CPN2: variants seen among roughly 807,000 people sequenced by gnomAD.
The protein encoded by CPN2 is carboxypeptidase N subunit 2, also known as carboxypeptidase N 83 kDa chain.
For synonymous variants in CPN2, 336 were observed against 318.4 expected (o/e 1.06, Z -0.59); for missense variants, 620 against 671.4 (o/e 0.92, Z 0.85).
At position 194,341,644 on chromosome 3, in the gene CPN2, G is replaced by A; in HGVS notation, c.1059C>T (p.His353=). Residue 353 remains histidine, a synonymous_variant, in exon 2 of 2, where the codon CAC becomes CAT. Coordinates refer to ENST00000323830, the MANE Select transcript of CPN2 (RefSeq NM_001080513.4). Reference sequence around the variant, plus strand: ...TGGACAGGTTCTGGAAGAGGGCTGGGTGCAGCGCCGTAAGGTTGTTGCTGC... The same window carrying A: ...TGGACAGGTTCTGGAAGAGGGCTGGATGCAGCGCCGTAAGGTTGTTGCTGC... ...YLGSNNLTAL[H]PALFQNLSKL... 2 of 1,614,194 alleles carry A rather than the reference G, an allele frequency of 1.2e-6. No individual in the cohort carries two copies. Among genetic ancestry groups the A allele is most frequent in the Non-Finnish European group, 1.7e-6 (2 of 1,180,044 alleles).
Position 194,339,910 on chromosome 3 carries a change from T to G in CPN2, c.*1155A>C, listed in dbSNP as rs1473322013. 1.3e-5 allele frequency: 2 copies of G among 152,156 alleles called. No homozygotes were observed. The highest frequency in any genetic ancestry group is 4.8e-5 in the African/African-American group (2 of 41,406). 9.4% of individuals were successfully genotyped at this position (152,156 alleles called of 1,614,324 possible). On this transcript the variant is annotated 3_prime_UTR_variant, in exon 2 of 2. Transcript: ENST00000323830. ...ATTTTAGGGAGGAATGAGGCATCAA[T>G]CAAATACATTTAAGAAATACATTGG...
In CPN2 at chr3:194,341,557, G is replaced by A. The variant is rs778272731; in HGVS notation, c.1146C>T (p.Asp382=). 1.9e-6 allele frequency: 3 copies of A among 1,614,166 alleles called. No homozygotes were observed. The highest frequency in any genetic ancestry group is 8.5e-7 in the Non-Finnish European group (1 of 1,180,022). Residue 382 remains aspartate (D), a synonymous_variant, in exon 2 of 2, where the codon GAC becomes GAT. Transcript: ENST00000323830. ...CCAGGTTGAACAGGTTGTAGTTGGTGTCGAAGATGCCCTCCGGAAGTGTGG... is the reference window on the plus strand; with the variant it reads ...CCAGGTTGAACAGGTTGTAGTTGGTATCGAAGATGCCCTCCGGAAGTGTGG... The part of the protein sequence containing the change: ...QLTTLPEGIF[D]TNYNLFNLAL...
chr3:194,345,056 CAT>C (rs1712997627), intron 1 of CPN2, among the ~76,000 whole-genome samples: 1 of 152,206 alleles, frequency 6.6e-6, no homozygotes, highest in Non-Finnish European at 1.5e-5. Context: ...CCTGGAGGTA[CAT>C]GTCTCCACCC....
chr3:194,343,571 C>T (rs1319456409), intron 1 of CPN2, among the ~76,000 whole-genome samples: 1 of 152,224 alleles, frequency 6.6e-6, no homozygotes. Flanking sequence ...GGTGTGTGCC[C>T]TCCAGGCCGC....
chr3:194,340,986 ACT>A lies in CPN2; in HGVS notation c.*77_*78del. The stretch of plus-strand genomic sequence containing the variant: ...CATGTGAAAAGCCAAGGCTTCGGAG[ACT>A]CAGCTCCCCTCCGCCCCTACCTGTC... On this transcript the variant is annotated 3_prime_UTR_variant, in exon 2 of 2. Coordinates refer to ENST00000323830, the MANE Select transcript of CPN2 (RefSeq NM_001080513.4). 2 of 1,463,540 alleles carry A rather than the reference ACT, an allele frequency of 1.4e-6. No homozygotes were observed. Among genetic ancestry groups the A allele is most frequent in the Non-Finnish European group, 1.8e-6 (2 of 1,110,254 alleles). The allele number at this position is 1,463,540 out of a possible 1,614,324, so 90.7% of individuals were successfully genotyped here. A position where few individuals can be genotyped will look rare whatever the true frequency, so the allele number is the denominator to read the frequency against.
In CPN2 at chr3:194,341,226, C is replaced by T. The variant is rs111646477; in HGVS notation, c.1477G>A (p.Ala493Thr). ...CAGCGACACTGGGCCTGGTCACAGGCGAGCACCACGGTGCCCTCGGGGTTG... is the reference window on the plus strand; with the variant it reads ...CAGCGACACTGGGCCTGGTCACAGGTGAGCACCACGGTGCCCTCGGGGTTG... ...YSNPEGTVVL[A>T]CDQAQCRWLN... The change falls in exon 2 of 2, where the codon GCC becomes ACC. Residue 493 changes from alanine (A) to threonine (T), a missense_variant. Coordinates refer to ENST00000323830, the MANE Select transcript of CPN2 (RefSeq NM_001080513.4). The T allele has an allele frequency of 1.1e-3, 1,792 of 1,613,538 alleles. No homozygotes were observed. Among genetic ancestry groups the T allele is most frequent in the Non-Finnish European group, 1.2e-3 (1,433 of 1,180,018 alleles).
rs148029330 is a variant in CPN2, at chr3:194,341,794, A to G, written c.909T>C (p.Thr303=). The change falls in exon 2 of 2, where the codon ACT becomes ACC. Residue 303 remains threonine, a synonymous_variant. Transcript: ENST00000323830. ...GLSLTHNQLE[T]VAEGTFAHLS... ...GGTGGGCAAAGGTGCCCTCAGCGACAGTCTCCAGCTGGTTATGGGTCAGAG... is the reference window on the plus strand; with the variant it reads ...GGTGGGCAAAGGTGCCCTCAGCGACGGTCTCCAGCTGGTTATGGGTCAGAG... 47 of 1,614,044 alleles carry G rather than the reference A, an allele frequency of 2.9e-5. No individual in the cohort carries two copies. In the African/African-American group the frequency reaches 5.9e-4, roughly 20 times the overall value.
rs1315569701 is a variant in CPN2 at position 194,347,730 on chromosome 3, C to T, written c.-4+3512G>A. Among the ~76,000 whole-genome samples the T allele has an allele frequency of 6.6e-3, 462 of 70,318 alleles. 49 individuals carry two copies. Among genetic ancestry groups the T allele is most frequent in the African/African-American group, 0.022 (359 of 16,024 alleles). 46.1% of individuals were successfully genotyped at this position (70,318 alleles called of 152,430 possible). A position where few individuals can be genotyped will look rare whatever the true frequency, so the allele number is the denominator to read the frequency against. ...CAGCCCACCCCATCTGCTGCCCTGG[C>T]CAGCCCACCCCACCCTCTGCCCAGT... On this transcript the variant is annotated intron_variant, in intron 1 of 1. Transcript: ENST00000323830.
At chr3:194,346,620 C>T (rs1250556100) in intron 1 of CPN2, among the ~76,000 whole-genome samples, 1 of 152,226 alleles carries the variant, frequency 6.6e-6, no homozygotes, top group East Asian at 1.9e-4. Flanking sequence ...ATTGCTTAAC[C>T]TCTCTGTGTT....
chr3:194,347,552 C>T (rs1713089884), intron 1 of CPN2, among the ~76,000 whole-genome samples: 1 of 152,256 alleles, frequency 6.6e-6, no homozygotes, highest in Admixed American at 6.5e-5. Context: ...CCTCTCTTCT[C>T]AATCCAGCAA....
At chr3:194,350,843 TAATA>T (rs1486479652) in intron 1 of CPN2, among the ~76,000 whole-genome samples, 2 of 150,346 alleles carry the variant, frequency 1.3e-5, no homozygotes, top group African/African-American at 2.5e-5. Context: ...ATAATTATAT[TAATA>T]AATAATTAAT....
Position 194,341,138 on chromosome 3 carries a change from TC to T in CPN2, c.1564del (p.Glu522SerfsTer4). ...SLGLQYNASQ[E>X]WDLRSSCGSL... ...ACCGCAGCTCGACCTCAGGTCCCACTCCTGACTAGCATTGTACTGCAGTCCC... is the reference window on the plus strand; with the variant it reads ...ACCGCAGCTCGACCTCAGGTCCCACTCTGACTAGCATTGTACTGCAGTCCC... On this transcript the variant is annotated frameshift_variant, in exon 2 of 2. Coordinates refer to ENST00000323830, the MANE Select transcript of CPN2 (RefSeq NM_001080513.4). LOFTEE classifies it high-confidence loss of function. 1 of 1,613,342 alleles carries T rather than the reference TC, an allele frequency of 6.2e-7. No homozygotes were observed. Among genetic ancestry groups the T allele is most frequent in the Non-Finnish European group, 8.5e-7 (1 of 1,179,916 alleles).
At position 194,340,120 on chromosome 3, in the gene CPN2, T is replaced by G. The variant is rs141415677; in HGVS notation, c.*945A>C. On this transcript the variant is annotated 3_prime_UTR_variant, in exon 2 of 2. Transcript: ENST00000323830. ...CCAAGTTTTATTGTGCAGGGGAAGC[T>G]CTCAGCAGACTTCAGAGAGAGAGAG... 2 of 152,274 alleles carry G rather than the reference T, an allele frequency of 1.3e-5. No homozygotes were observed. Among genetic ancestry groups the G allele is most frequent in the Non-Finnish European group, 2.9e-5 (2 of 68,022 alleles). 9.4% of individuals were successfully genotyped at this position (152,274 alleles called of 1,614,324 possible).
intron 1 of CPN2, among the ~76,000 whole-genome samples, chr3:194,349,769 TA>T: frequency 8.0e-6 from 1 of 125,632 alleles, no homozygotes; most frequent in African/African-American, 2.9e-5. Flanking sequence ...CCTTCCTGAC[TA>T]CCCTCTTCTT....
At chr3:194,349,362 A>G (rs1036056625) in intron 1 of CPN2, among the ~76,000 whole-genome samples, 2 of 152,238 alleles carry the variant, frequency 1.3e-5, no homozygotes, top group Admixed American at 1.3e-4. Context: ...ACTCCATCTC[A>G]AAAGAAAAAA....
rs1466303437 is a variant in CPN2, at chr3:194,342,292, G to A, written c.411C>T (p.Pro137=). 8.1e-6 allele frequency: 13 copies of A among 1,613,696 alleles called. No homozygotes were observed. The highest frequency in any genetic ancestry group is 4.5e-5 in the East Asian group (2 of 44,870). Residue 137 remains proline (P), a synonymous_variant, in exon 2 of 2, where the codon CCC becomes CCT. Transcript: ENST00000323830. The part of the protein sequence containing the change: ...TLNFNMLEAL[P]EGLFQHLAAL... Reference sequence around the variant, plus strand: ...CAGCCAGGTGCTGGAAAAGACCCTCGGGCAGAGCCTCCAGCATGTTGAAGT... The same window carrying A: ...CAGCCAGGTGCTGGAAAAGACCCTCAGGCAGAGCCTCCAGCATGTTGAAGT...
chr3:194,340,849 G>A lies in CPN2; in HGVS notation c.*216C>T, dbSNP rs11713634. The A allele has an allele frequency of 0.3, 205,213 of 674,264 alleles. 32,582 individuals are homozygous for A. The highest frequency in any genetic ancestry group is 0.4 in the African/African-American group (22,414 of 55,746). The allele number at this position is 674,264 out of a possible 1,614,324, so 41.8% of individuals were successfully genotyped here. On this transcript the variant is annotated 3_prime_UTR_variant, in exon 2 of 2. Coordinates refer to ENST00000323830, the MANE Select transcript of CPN2 (RefSeq NM_001080513.4). ...CTTTGCAAGGCATAAGGATGGCCTT[G>A]TTAGGCCGCACACTCCAGGAGAAGC...
rs1312081427 is a variant in CPN2, at chr3:194,340,124, A to C, written c.*941T>G. On this transcript the variant is annotated 3_prime_UTR_variant, in exon 2 of 2. Transcript: ENST00000323830. ...GTTTTATTGTGCAGGGGAAGCTCTC[A>C]GCAGACTTCAGAGAGAGAGAGAGCA... The C allele has an allele frequency of 6.6e-6, 1 of 152,238 alleles. No homozygotes were observed. Among genetic ancestry groups the C allele is most frequent in the African/African-American group, 2.4e-5 (1 of 41,468 alleles). The allele number at this position is 152,238 out of a possible 1,614,324, so 9.4% of individuals were successfully genotyped here.
rs982803111 is a variant in CPN2 at position 194,342,572 on chromosome 3, G to A, written c.131C>T (p.Pro44Leu). The A allele has an allele frequency of 6.8e-6, 11 of 1,613,990 alleles. No homozygotes were observed. Among genetic ancestry groups the A allele is most frequent in the Non-Finnish European group, 9.3e-6 (11 of 1,179,906 alleles). ...TTTCGTATATGGCGGGATGTCCAGT[G>A]GGACGGTGGCAAGCTCCTCATCTGA... is the stretch of plus-strand genomic sequence containing the variant. Reference protein sequence around the residue: ...FCSDEELATVPLDIPPYTKNI... With the variant: ...FCSDEELATVLLDIPPYTKNI... The change falls in exon 2 of 2, where the codon CCA (proline) becomes CTA (leucine). Residue 44 changes from proline to leucine, a missense_variant. Physicochemically the swap from Pro to Leu is moderately conservative, Grantham distance 98 (BLOSUM62 -3). Coordinates refer to ENST00000323830, the MANE Select transcript of CPN2 (RefSeq NM_001080513.4).
Sources: allele counts gnomAD v4.1 joint callset (sites outside exome capture counted in the v4.1 genomes callset), GRCh38; gene constraint gnomAD v4.1.1; transcripts MANE v1.5; gene names NCBI Gene and HGNC (gene_info 2026-07-23, HGNC 2026-07-21).